The following CTIF variants were observed in gnomAD, a reference collection of about 807,000 sequenced individuals.
CTIF encodes the protein cap binding complex dependent translation initiation factor.
CTIF carries 21 observed loss-of-function variants against 66.0 expected under a neutral mutation model. That is an observed-to-expected ratio of 0.32 (90% CI 0.23 to 0.46). The LOEUF (loss-of-function observed/expected upper bound fraction) is 0.46. Among genes scored for constraint, CTIF ranks in the 20% least tolerant of loss-of-function variants. The pLI, the probability that CTIF is intolerant of heterozygous loss-of-function variation, is 1.00. For missense variants in CTIF, 739 were observed against 812.7 expected (o/e 0.91, Z 1.10); for synonymous variants, 345 against 326.4 (o/e 1.06, Z -0.62).
At chr18:48,645,320 G>T (rs1203387065) in intron 3 of CTIF, among the ~76,000 whole-genome samples, 1 of 145,108 alleles carries the variant, frequency 6.9e-6, no homozygotes, top group African/African-American at 2.6e-5. Flanking sequence ...CTCTCTACAG[G>T]AAACGGACTA....
At chr18:48,748,831 CTA>C (rs1192764080) in intron 7 of CTIF, among the ~76,000 whole-genome samples, 2 of 152,196 alleles carry the variant, frequency 1.3e-5, no homozygotes, top group East Asian at 3.8e-4. Context: ...ACTGCAGTTT[CTA>C]ACTGTTGGTC....
Position 48,861,663 on chromosome 18 carries a change from T to TG in CTIF, c.*2108dup, listed in dbSNP as rs1212885618. ...TCAGGTCAGGGAGGAGGCAGGGGAG[T>TG]GGGGTCTCCCAGACCCAACGGTGAG... On this transcript the variant is annotated 3_prime_UTR_variant, in exon 12 of 12. Coordinates refer to ENST00000256413, the MANE Select transcript of CTIF (RefSeq NM_014772.3). 1 of 151,958 alleles carries TG rather than the reference T, an allele frequency of 6.6e-6. No individual in the cohort carries two copies. The highest frequency in any genetic ancestry group is 1.5e-5 in the Non-Finnish European group (1 of 68,132). The allele number at this position is 151,958 out of a possible 1,614,324, so 9.4% of individuals were successfully genotyped here.
At chr18:48,565,012 T>A (rs2089247933) in intron 1 of CTIF, 1 of 152,250 alleles carries the variant, frequency 6.6e-6, no homozygotes, top group Non-Finnish European at 1.5e-5. Context: ...TTCTCATTAC[T>A]TGAATACTGT....
At position 48,756,556 on chromosome 18, in the gene CTIF, T is replaced by C. The variant is rs1365633279; in HGVS notation, c.585-1363T>C. Among the ~76,000 whole-genome samples, 3 of 152,334 alleles carry C rather than the reference T, an allele frequency of 2.0e-5. No homozygotes were observed. The East Asian group carries it at 5.8e-4, about 29-fold the overall frequency. On this transcript the variant is annotated intron_variant, in intron 7 of 11. Transcript: ENST00000256413. ...ACGGAGGAGGTGCAGCGCTTATTCT[T>C]TAGAAGCTAACATTATCTTTCTGCA...
intron 2 of CTIF, among the ~76,000 whole-genome samples, chr18:48,626,622 G>A (rs2090604793): frequency 6.8e-6 from 1 of 148,052 alleles, no homozygotes. Context: ...TGGGATTACA[G>A]TCATGAGCCA....
chr18:48,571,988 T>G (rs769558169), intron 1 of CTIF, among the ~76,000 whole-genome samples: 6 of 152,220 alleles, frequency 3.9e-5, no homozygotes, highest in Non-Finnish European at 7.3e-5. Context: ...GGCAGCAGAC[T>G]GGAAACTCAG....
intron 1 of CTIF, among the ~76,000 whole-genome samples, chr18:48,556,625 C>T (rs763723551): frequency 5.9e-5 from 9 of 152,092 alleles, no homozygotes; most frequent in Non-Finnish European, 1.3e-4. Flanking sequence ...AGTGCAGTGG[C>T]GCAGTCTCAG....
chr18:48,784,537 A>G (rs1428314299), intron 9 of CTIF, among the ~76,000 whole-genome samples: 1 of 152,058 alleles, frequency 6.6e-6, no homozygotes, highest in Non-Finnish European at 1.5e-5. Context: ...GTTTGTAAGG[A>G]TGGAGGTGAT....
At position 48,862,913 on chromosome 18, in the gene CTIF, C is replaced by T. The variant is rs1444267191; in HGVS notation, c.*3354C>T. 6.6e-6 allele frequency: 1 copy of T among 152,316 alleles called. No homozygotes were observed. The highest frequency in any genetic ancestry group is 1.5e-5 in the Non-Finnish European group (1 of 68,084). 9.4% of individuals were successfully genotyped at this position (152,316 alleles called of 1,614,324 possible). On this transcript the variant is annotated 3_prime_UTR_variant, in exon 12 of 12. Coordinates refer to ENST00000256413, the MANE Select transcript of CTIF (RefSeq NM_014772.3). ...CAGGCCTGCCTGGGGAGTCGTGTCC[C>T]TCAGCTGCAGGGCACTGTGTTGGGA... is the stretch of plus-strand genomic sequence containing the variant.
Position 48,843,100 on chromosome 18 carries a change from G to A in CTIF, c.1528-14488G>A, listed in dbSNP as rs565674503. 1.8e-3 allele frequency among the ~76,000 whole-genome samples: 249 copies of A among 136,142 alleles called. 1 individual carries two copies. Among genetic ancestry groups the A allele is most frequent in the African/African-American group, 6.3e-3 (237 of 37,358 alleles). 89.3% of individuals were successfully genotyped at this position (136,142 alleles called of 152,430 possible). On this transcript the variant is annotated intron_variant, in intron 10 of 11. Coordinates refer to ENST00000256413, the MANE Select transcript of CTIF (RefSeq NM_014772.3). Reference sequence around the variant, plus strand: ...GAGGGGAGCCTCCCACCCACCCCAAGCCCCAGGACTGGCCCCTGGCTGCCC... The same window carrying A: ...GAGGGGAGCCTCCCACCCACCCCAAACCCCAGGACTGGCCCCTGGCTGCCC...
intron 1 of CTIF, among the ~76,000 whole-genome samples, chr18:48,555,190 T>C (rs182125866): frequency 1.1e-3 from 171 of 152,332 alleles, no homozygotes; most frequent in Middle Eastern, 3.4e-3. Context: ...TCCCTCCATC[T>C]GGACACTATA....
chr18:48,825,153 G>C (rs183200900), intron 10 of CTIF, among the ~76,000 whole-genome samples: 5 of 152,094 alleles, frequency 3.3e-5, no homozygotes, highest in Admixed American at 2.0e-4. Flanking sequence ...GGCGCTTTCT[G>C]CCAGGAATCT....
At position 48,774,478 on chromosome 18, in the gene CTIF, G is replaced by T. The variant is rs143201663; in HGVS notation, c.1371+12789G>T. Among the ~76,000 whole-genome samples, 88 of 152,236 alleles carry T rather than the reference G, an allele frequency of 5.8e-4. No homozygotes were observed. In the East Asian group the frequency reaches 0.015, roughly 26 times the overall value. On this transcript the variant is annotated intron_variant, in intron 9 of 11. Coordinates refer to ENST00000256413, the MANE Select transcript of CTIF (RefSeq NM_014772.3). ...CAGGGAAAAACAGCGGCCTCTTTGG[G>T]GGGGACAGGGAGGAACCTGCAGGGA...
At chr18:48,820,643 C>T (rs1240979908) in intron 10 of CTIF, among the ~76,000 whole-genome samples, 3 of 152,206 alleles carry the variant, frequency 2.0e-5, no homozygotes, top group Non-Finnish European at 4.4e-5. Flanking sequence ...CCCATGCTGC[C>T]TGCCTCCCTG....
At chr18:48,789,631 C>T (rs188970761) in intron 9 of CTIF, among the ~76,000 whole-genome samples, 3 of 152,272 alleles carry the variant, frequency 2.0e-5, no homozygotes, top group Non-Finnish European at 4.4e-5. Context: ...GATGTCACTT[C>T]TTCCTAAATT....
chr18:48,586,782 C>G (rs2089778571), intron 1 of CTIF, among the ~76,000 whole-genome samples: 1 of 152,104 alleles, frequency 6.6e-6, no homozygotes, highest in Non-Finnish European at 1.5e-5. Context: ...TCCTTAGTTT[C>G]CAGTTTTCAA....
At chr18:48,829,848 TCCAC>T (rs1261256889) in intron 10 of CTIF, among the ~76,000 whole-genome samples, 1 of 152,238 alleles carries the variant, frequency 6.6e-6, no homozygotes, top group Non-Finnish European at 1.5e-5. Context: ...ATTGATGATA[TCCAC>T]CTGCTGCCAT....
At chr18:48,770,079 G>A (rs539184529) in intron 9 of CTIF, among the ~76,000 whole-genome samples, 8 of 152,280 alleles carry the variant, frequency 5.3e-5, no homozygotes, top group South Asian at 2.1e-4. Flanking sequence ...GCCGATGACC[G>A]GATCATAAAC....
At chr18:48,780,543 C>A (rs535647256) in intron 9 of CTIF, among the ~76,000 whole-genome samples, 1 of 152,314 alleles carries the variant, frequency 6.6e-6, no homozygotes, top group East Asian at 1.9e-4. Flanking sequence ...ACGTGGCACA[C>A]GCACCTCTGC....
Sources: gnomAD v4.1 joint callset for allele counts (sites outside exome capture counted in the v4.1 genomes callset) on GRCh38, gnomAD v4.1.1 for gene constraint, MANE v1.5 for transcripts, NCBI Gene and HGNC (gene_info 2026-07-23, HGNC 2026-07-21) for gene names.